Variants in WDR17 observed in about 807,000 individuals in gnomAD.
WDR17 encodes WD repeat domain 17.
In WDR17, 143 loss-of-function variants were observed where a neutral mutation model predicts 161.7. That is an observed-to-expected ratio of 0.88 (90% CI 0.77 to 1.02). The LOEUF is 1.02. WDR17 is among the 50% of genes least tolerant of loss of function. The probability of loss-of-function intolerance (pLI) is 0.00; values close to 1 mark genes in which losing one functional copy is unlikely to be tolerated. For missense variants in WDR17, 1,469 were observed against 1,520.9 expected (o/e 0.97, Z 0.57); for synonymous variants, 517 against 515.6 (o/e 1.00, Z -0.04).
At chr4:176,179,438 T>C in intron 28 of WDR17, 22 bp from the exon 29 acceptor site, 1 of 1,497,238 alleles carries the variant, frequency 6.7e-7, no homozygotes, top group South Asian at 1.5e-5. Context: ...CATCTTCTCT[T>C]TCCTCAACTC....
chr4:176,115,405 A>T (rs550141142), intron 2 of WDR17, among the ~76,000 whole-genome samples: 1 of 152,148 alleles, frequency 6.6e-6, no homozygotes, highest in East Asian at 1.9e-4. Context: ...GGTGTATTTA[A>T]CCCAAATTTT....
chr4:176,115,841 G>T lies in WDR17; in HGVS notation c.169G>T (p.Glu57Ter). 1 of 1,610,578 alleles carries T rather than the reference G, an allele frequency of 6.2e-7. No individual in the cohort carries two copies. Among genetic ancestry groups the T allele is most frequent in the South Asian group, 1.1e-5 (1 of 90,652 alleles). Residue 57 changes from glutamate (E) to a stop codon, truncating the protein, a stop_gained, in exon 3 of 29, where the codon GAA (glutamate) becomes TAA (stop). Coordinates refer to ENST00000508596, the MANE Select transcript of WDR17 (RefSeq NM_181265.4). LOFTEE classifies it high-confidence loss of function. ...ATTCAAACTTCACGCAATTATGTCTGAACATAAAAAAACAATCACAGCAAT... is the reference window on the plus strand; with the variant it reads ...ATTCAAACTTCACGCAATTATGTCTTAACATAAAAAAACAATCACAGCAAT... ...NEFKLHAIMS[E>*]HKKTITAISW...
chr4:176,160,602 A>G (rs1748889278), intron 19 of WDR17, among the ~76,000 whole-genome samples: 2 of 152,212 alleles, frequency 1.3e-5, no homozygotes, highest in Non-Finnish European at 2.9e-5. Context: ...GATTACAGGC[A>G]TGAGCCACCA....
chr4:176,142,436 C>T (rs1403993883), intron 11 of WDR17, among the ~76,000 whole-genome samples: 1 of 152,200 alleles, frequency 6.6e-6, no homozygotes, highest in Non-Finnish European at 1.5e-5. Flanking sequence ...CAGTGTTCCA[C>T]TGTGACTTTG....
rs1752016807 is a variant in WDR17, at chr4:176,180,205, G to A, written c.*626G>A. ...CAGTTTTTTTATCTGAAGTTTAACT[G>A]TCCCATTGTAAAGGTGTAAGTTATA... On this transcript the variant is annotated 3_prime_UTR_variant, in exon 29 of 29. Coordinates refer to ENST00000508596, the MANE Select transcript of WDR17 (RefSeq NM_181265.4). 6.6e-6 allele frequency: 1 copy of A among 151,618 alleles called. No homozygotes were observed. The highest frequency in any genetic ancestry group is 1.5e-5 in the Non-Finnish European group (1 of 67,874). The allele number at this position is 151,618 out of a possible 1,614,324, so 9.4% of individuals were successfully genotyped here.
At chr4:176,095,620 C>A (rs1016112564) in intron 1 of WDR17, among the ~76,000 whole-genome samples, 1 of 151,986 alleles carries the variant, frequency 6.6e-6, no homozygotes, top group Non-Finnish European at 1.5e-5. Context: ...CTCCTTCCTT[C>A]GTTTCCTTTG....
At position 176,115,794 on chromosome 4, in the gene WDR17, A is replaced by C; in HGVS notation, c.124-2A>C. The C allele has an allele frequency of 6.3e-7, 1 of 1,586,196 alleles. No homozygotes were observed. The highest frequency in any genetic ancestry group is 8.6e-7 in the Non-Finnish European group (1 of 1,167,434). ...ATATTTTATTTATATATTTTGTTTT[A>C]GTTGGATCACCGTTATAATGAATTC... On this transcript the variant is annotated splice_acceptor_variant, in intron 2 of 28. Transcript: ENST00000508596. LOFTEE classifies it high-confidence loss of function.
chr4:176,168,651 C>T (rs368008031), intron 22 of WDR17, 21 bp from the exon 23 acceptor site: 4 of 1,612,702 alleles, frequency 2.5e-6, no homozygotes, highest in Non-Finnish European at 3.4e-6. Flanking sequence ...AATGAAGTGT[C>T]CCCTTTTGTT....
chr4:176,154,322 A>G (rs28608055), intron 17 of WDR17, among the ~76,000 whole-genome samples: 6,833 of 152,162 alleles, frequency 0.045, 467 homozygotes, highest in African/African-American at 0.15. Flanking sequence ...CTCTACCAAA[A>G]ATACAAAAAT....
intron 1 of WDR17, chr4:176,096,631 CTGCTT>C (rs1360587609): frequency 2.0e-6 from 3 of 1,484,486 alleles, no homozygotes; most frequent in Non-Finnish European, 2.8e-6. Context: ...GATTTTTTTT[CTGCTT>C]TGCTTCTCAT....
chr4:176,167,070 A>G (rs1168934876), intron 22 of WDR17, among the ~76,000 whole-genome samples: 1 of 152,266 alleles, frequency 6.6e-6, no homozygotes, highest in Admixed American at 6.5e-5. Context: ...ACGTGTGTGT[A>G]TTTTTTACTT....
At chr4:176,103,340 G>C (rs909614662) in intron 1 of WDR17, among the ~76,000 whole-genome samples, 1 of 151,922 alleles carries the variant, frequency 6.6e-6, no homozygotes, top group Non-Finnish European at 1.5e-5. Context: ...AGCAAACTCT[G>C]ATTTCCAGAG....
At chr4:176,147,799 T>TAA (rs35564500) in intron 12 of WDR17, among the ~76,000 whole-genome samples, 103,229 of 151,664 alleles carry the variant, frequency 0.68, 35,444 homozygotes, top group South Asian at 0.72. Flanking sequence ...CTACCAGTAA[T>TAA]GAGTAAAAGT....
intron 3 of WDR17, among the ~76,000 whole-genome samples, chr4:176,116,446 G>T (rs1018095192): frequency 7.9e-5 from 12 of 151,258 alleles, no homozygotes; most frequent in Admixed American, 7.9e-4. Context: ...CACATAAATT[G>T]GACTTTATGA....
intron 13 of WDR17, 72 bp from the exon 14 acceptor site, chr4:176,149,735 T>C: frequency 1.9e-6 from 3 of 1,568,032 alleles, no homozygotes; most frequent in Non-Finnish European, 2.6e-6. Flanking sequence ...GTAGAAGTTT[T>C]ATGAAGCACA....
At chr4:176,083,884 CTT>C (rs1554015654) in intron 1 of WDR17, among the ~76,000 whole-genome samples, 1 of 152,102 alleles carries the variant, frequency 6.6e-6, no homozygotes, top group Non-Finnish European at 1.5e-5. Flanking sequence ...AGCAGTATCT[CTT>C]TGCAGTTTTA....
At chr4:176,141,250 A>G (rs1380600261) in intron 10 of WDR17, among the ~76,000 whole-genome samples, 1 of 152,154 alleles carries the variant, frequency 6.6e-6, no homozygotes, top group Non-Finnish European at 1.5e-5. Flanking sequence ...TATACAATGA[A>G]AAGTTATAAC....
intron 5 of WDR17, among the ~76,000 whole-genome samples, chr4:176,127,796 C>T (rs1405360431): frequency 6.6e-6 from 1 of 152,160 alleles, no homozygotes; most frequent in Non-Finnish European, 1.5e-5. Context: ...TCCATTACTG[C>T]CTCCCTACAG....
At chr4:176,160,699 A>G (rs1459496629) in intron 19 of WDR17, among the ~76,000 whole-genome samples, 1 of 152,228 alleles carries the variant, frequency 6.6e-6, no homozygotes, top group Non-Finnish European at 1.5e-5. Flanking sequence ...GTTATACACC[A>G]TGCATTTGAA....
Sources: allele counts gnomAD v4.1 joint callset (sites outside exome capture counted in the v4.1 genomes callset), GRCh38; gene constraint gnomAD v4.1.1; transcripts MANE v1.5; gene names NCBI Gene and HGNC (gene_info 2026-07-23, HGNC 2026-07-21).